The following GAREM1 variants were observed in gnomAD, a reference collection of about 807,000 sequenced individuals.
The protein encoded by GAREM1 is GRB2-associated and regulator of MAPK protein 1.
A neutral mutation model predicts 71.3 loss-of-function variants in GAREM1; 26 were observed. That is an observed-to-expected ratio of 0.36 (90% CI 0.27 to 0.51). The LOEUF (loss-of-function observed/expected upper bound fraction) is 0.51, where lower values mean the gene tolerates loss of function less well. Among genes scored for constraint, GAREM1 ranks in the 20% least tolerant of loss-of-function variants. GAREM1 has a pLI of 0.95. For missense variants in GAREM1, 1,026 were observed against 1,103.1 expected (o/e 0.93, Z 0.99); for synonymous variants, 440 against 433.2 (o/e 1.02, Z -0.20).
At chr18:32,384,767 T>C (rs10502592) in intron 2 of GAREM1, among the ~76,000 whole-genome samples, 22,312 of 152,106 alleles carry the variant, frequency 0.15, 1,908 homozygotes, top group African/African-American at 0.24. Flanking sequence ...TATTAAGCAA[T>C]GTGAAGTAGG....
intron 1 of GAREM1, among the ~76,000 whole-genome samples, chr18:32,397,164 T>G (rs1484785460): frequency 1.3e-5 from 2 of 152,034 alleles, no homozygotes; most frequent in Admixed American, 6.6e-5. Flanking sequence ...ACTAAGCATG[T>G]AAAGGAACAA....
At chr18:32,280,476 C>T (rs1298438206) in intron 4 of GAREM1, among the ~76,000 whole-genome samples, 2 of 152,174 alleles carry the variant, frequency 1.3e-5, no homozygotes, top group Non-Finnish European at 2.9e-5. Context: ...ATACCAGTTT[C>T]TTGACACTTG....
chr18:32,466,170 A>G (rs1317161516), intron 1 of GAREM1, among the ~76,000 whole-genome samples: 1 of 149,852 alleles, frequency 6.7e-6, no homozygotes, highest in African/African-American at 2.4e-5. Context: ...TTCAATCTAT[A>G]TACTTTTTTT....
intron 4 of GAREM1, among the ~76,000 whole-genome samples, chr18:32,278,982 G>A (rs970031407): frequency 6.6e-6 from 1 of 152,142 alleles, no homozygotes; most frequent in African/African-American, 2.4e-5. Context: ...GAAGGAGCGG[G>A]CAGCCACTTA....
At chr18:32,371,531 T>G (rs2047979777) in intron 2 of GAREM1, among the ~76,000 whole-genome samples, 1 of 152,074 alleles carries the variant, frequency 6.6e-6, no homozygotes, top group Non-Finnish European at 1.5e-5. Flanking sequence ...TCACAGGATG[T>G]GGGGGATGAA....
At chr18:32,423,140 T>C (rs2048536819) in intron 1 of GAREM1, among the ~76,000 whole-genome samples, 1 of 152,202 alleles carries the variant, frequency 6.6e-6, no homozygotes, top group Admixed American at 6.5e-5. Flanking sequence ...GGCTTTTAAG[T>C]CTATGGGCAG....
In GAREM1 at chr18:32,422,894, G is replaced by A. The variant is rs566001128; in HGVS notation, c.122-29859C>T. Among the ~76,000 whole-genome samples, 7 of 152,292 alleles carry A rather than the reference G, an allele frequency of 4.6e-5. No individual in the cohort carries two copies. In the East Asian group the frequency reaches 9.6e-4, roughly 21 times the overall value. ...TTTCCTTTTATAATTGAGGAAATATGTACAAGGTTCCTGATCAGTCAGTGG... is the reference window on the plus strand; with the variant it reads ...TTTCCTTTTATAATTGAGGAAATATATACAAGGTTCCTGATCAGTCAGTGG... On this transcript the variant is annotated intron_variant, in intron 1 of 5. Transcript: ENST00000269209.
rs752493831 is a variant in GAREM1 at position 32,268,175 on chromosome 18, A to G, written c.2327T>C (p.Ile776Thr). 3.1e-6 allele frequency: 5 copies of G among 1,614,094 alleles called. No homozygotes were observed. Among genetic ancestry groups the G allele is most frequent in the Non-Finnish European group, 4.2e-6 (5 of 1,180,016 alleles). Residue 776 changes from isoleucine (I) to threonine (T), a missense_variant, in exon 6 of 6, where the codon ATC becomes ACC. Physicochemically the swap from Ile to Thr is moderately conservative, Grantham distance 89. This residue lies in a region of GAREM1 where 636 missense variants were observed against 631.2 expected (regional missense o/e 1.01). Transcript: ENST00000269209. ...TGAGAAAGGGTAGGAGGCAGAGAAGATGTCCTGCATGCCCTTTTTAACAAA... is the reference window on the plus strand; with the variant it reads ...TGAGAAAGGGTAGGAGGCAGAGAAGGTGTCCTGCATGCCCTTTTTAACAAA... ...QYFVKKGMQDIFSASYPFSSP... is the reference protein window; with the variant it reads ...QYFVKKGMQDTFSASYPFSSP...
chr18:32,406,429 G>C (rs1016670745), intron 1 of GAREM1, among the ~76,000 whole-genome samples: 16 of 152,140 alleles, frequency 1.1e-4, no homozygotes, highest in Admixed American at 7.9e-4. Flanking sequence ...TGACATTCTG[G>C]TAGTATTTCT....
At chr18:32,294,548 G>C (rs560260748) in intron 3 of GAREM1, among the ~76,000 whole-genome samples, 8 of 152,292 alleles carry the variant, frequency 5.3e-5, no homozygotes, top group African/African-American at 1.7e-4. Context: ...GTTTTGGCAA[G>C]AAGTGACATC....
At chr18:32,376,568 T>TG (rs2048031920) in intron 2 of GAREM1, among the ~76,000 whole-genome samples, 1 of 152,368 alleles carries the variant, frequency 6.6e-6, no homozygotes, top group South Asian at 2.1e-4. Context: ...CTGGGCGTGG[T>TG]GGCTCATGCC....
chr18:32,320,767 AC>A (rs762338699), intron 2 of GAREM1, among the ~76,000 whole-genome samples: 12 of 152,166 alleles, frequency 7.9e-5, no homozygotes, highest in Non-Finnish European at 1.5e-4. Context: ...ACCATTTCAC[AC>A]CATGCAAACT....
intron 1 of GAREM1, among the ~76,000 whole-genome samples, chr18:32,405,159 A>T (rs931359937): frequency 8.5e-5 from 13 of 152,162 alleles, no homozygotes; most frequent in African/African-American, 3.1e-4. Flanking sequence ...TGAGTCAGTT[A>T]AATACCCAAA....
intron 1 of GAREM1, among the ~76,000 whole-genome samples, chr18:32,394,027 C>T (rs1599015540): frequency 6.6e-6 from 1 of 152,260 alleles, no homozygotes; most frequent in South Asian, 2.1e-4. Flanking sequence ...AGTACTTTTT[C>T]AATAAATAGA....
At chr18:32,437,351 G>A (rs935919341) in intron 1 of GAREM1, among the ~76,000 whole-genome samples, 1 of 152,154 alleles carries the variant, frequency 6.6e-6, no homozygotes, top group Non-Finnish European at 1.5e-5. Flanking sequence ...AGAATCCTGA[G>A]AGCTCAAGAT....
chr18:32,422,134 C>T lies in GAREM1; in HGVS notation c.122-29099G>A, dbSNP rs1489903784. Among the ~76,000 whole-genome samples the T allele has an allele frequency of 3.3e-5, 5 of 151,948 alleles. No individual in the cohort carries two copies. In the South Asian group the frequency reaches 1.0e-3, roughly 32 times the overall value. ...AGGTATATCTCCTAATGCTATCCCT[C>T]CCCCCTTCCCCAACCCCACAACAGG... On this transcript the variant is annotated intron_variant, in intron 1 of 5. Coordinates refer to ENST00000269209, the MANE Select transcript of GAREM1 (RefSeq NM_001242409.2).
intron 2 of GAREM1, among the ~76,000 whole-genome samples, chr18:32,380,122 C>T (rs974714127): frequency 4.6e-5 from 7 of 152,064 alleles, no homozygotes; most frequent in East Asian, 1.9e-4. Context: ...AAAGTAATGT[C>T]GATTAATAAT....
intron 2 of GAREM1, among the ~76,000 whole-genome samples, chr18:32,325,669 G>A (rs1025814420): frequency 3.9e-5 from 6 of 152,158 alleles, no homozygotes; most frequent in Admixed American, 3.9e-4. Flanking sequence ...GTTAATTTTG[G>A]ATTCAACATA....
intron 2 of GAREM1, among the ~76,000 whole-genome samples, chr18:32,353,333 A>G (rs2047771792): frequency 6.6e-6 from 1 of 152,190 alleles, no homozygotes; most frequent in African/African-American, 2.4e-5. Flanking sequence ...TCCTACTTTT[A>G]TTTCTTAGCA....
Sources: gnomAD v4.1 joint callset for allele counts (sites outside exome capture counted in the v4.1 genomes callset) on GRCh38, gnomAD v4.1.1 for gene constraint, gnomAD v4.1.1 regional missense constraint, MANE v1.5 for transcripts, NCBI Gene and HGNC (gene_info 2026-07-23, HGNC 2026-07-21) for gene names.